The following CNTNAP2 variants were observed in gnomAD, a reference collection of about 807,000 sequenced individuals.
The protein encoded by CNTNAP2 is contactin-associated protein-like 2.
Under a neutral mutation model 155.2 loss-of-function variants are expected in CNTNAP2, and 98 were observed. The ratio of observed to expected loss-of-function variants is 0.63; its 90% CI spans 0.54 to 0.75. CNTNAP2 has a LOEUF of 0.75. Ranked by LOEUF, CNTNAP2 falls within the 30% of genes least tolerant of loss-of-function variation. The pLI is 0.00. For missense variants in CNTNAP2, 1,727 were observed against 1,688.1 expected (o/e 1.02, Z -0.40); for synonymous variants, 651 against 631.2 (o/e 1.03, Z -0.47).
In CNTNAP2 at chr7:146,890,208, G is replaced by A. The variant is rs935195445; in HGVS notation, c.402+50304G>A. Reference sequence around the variant, plus strand: ...ATGCCCTGATTTTGTCTTCTACCACGACACACTCATAGGCTATCTTCAGAT... The same window carrying A: ...ATGCCCTGATTTTGTCTTCTACCACAACACACTCATAGGCTATCTTCAGAT... On this transcript the variant is annotated intron_variant, in intron 3 of 23. Coordinates refer to ENST00000361727, the MANE Select transcript of CNTNAP2 (RefSeq NM_014141.6). Among the ~76,000 whole-genome samples the A allele has an allele frequency of 2.6e-5, 4 of 152,272 alleles. 1 individual carries two copies. Among genetic ancestry groups the A allele is most frequent in the Middle Eastern group, 6.8e-3 (2 of 294 alleles).
intron 10 of CNTNAP2, among the ~76,000 whole-genome samples, chr7:147,407,467 C>CAAAAAAAAAAAAAAAAAAAA (rs768738493): frequency 1.5e-5 from 1 of 64,864 alleles, no homozygotes. Flanking sequence ...GACTCCCTCT[C>CAAAAAAAAAAAAAAAAAAAA]AAAAAAAAAA....
chr7:147,527,222 A>G (rs1040075034), intron 11 of CNTNAP2, among the ~76,000 whole-genome samples: 2 of 151,692 alleles, frequency 1.3e-5, no homozygotes, highest in Admixed American at 6.6e-5. Flanking sequence ...ACAGGGTTTC[A>G]CTGTGTTAGC....
chr7:146,861,147 G>A (rs532269516), intron 3 of CNTNAP2, among the ~76,000 whole-genome samples: 4 of 151,844 alleles, frequency 2.6e-5, no homozygotes, highest in East Asian at 1.9e-4. Context: ...TGCAACCTCC[G>A]CCTCCCGGGT....
intron 12 of CNTNAP2, among the ~76,000 whole-genome samples, chr7:147,599,321 AT>A (rs1273252627): frequency 1.3e-5 from 2 of 151,872 alleles, no homozygotes; most frequent in African/African-American, 4.8e-5. Context: ...TACTAAAAAA[AT>A]AAAATAAAAA....
intron 13 of CNTNAP2, among the ~76,000 whole-genome samples, chr7:147,699,053 T>C (rs555741060): frequency 1.4e-4 from 21 of 152,188 alleles, no homozygotes; most frequent in African/African-American, 3.9e-4. Flanking sequence ...TTTGACTACA[T>C]GTAAACACTA....
At chr7:146,389,236 C>T (rs1795505833) in intron 1 of CNTNAP2, among the ~76,000 whole-genome samples, 2 of 150,004 alleles carry the variant, frequency 1.3e-5, no homozygotes, top group Non-Finnish European at 3.0e-5. Context: ...CACACACACA[C>T]ACACACACAC....
At chr7:147,480,803 C>G (rs1166966080) in intron 10 of CNTNAP2, among the ~76,000 whole-genome samples, 1 of 152,180 alleles carries the variant, frequency 6.6e-6, no homozygotes, top group African/African-American at 2.4e-5. Context: ...GCGCTAGAGC[C>G]TTGCTATTCC....
chr7:146,967,041 G>A (rs1334577665), intron 3 of CNTNAP2, among the ~76,000 whole-genome samples: 1 of 152,070 alleles, frequency 6.6e-6, no homozygotes. Flanking sequence ...GTGAAAGGAA[G>A]GGGAAAAATC....
chr7:147,238,135 C>CT (rs953780175), intron 8 of CNTNAP2, among the ~76,000 whole-genome samples: 1 of 152,188 alleles, frequency 6.6e-6, no homozygotes, highest in Non-Finnish European at 1.5e-5. Context: ...CTGCCTCGGC[C>CT]TCCCGAGTAG....
At chr7:146,986,610 C>T (rs1456088394) in intron 3 of CNTNAP2, among the ~76,000 whole-genome samples, 1 of 152,274 alleles carries the variant, frequency 6.6e-6, no homozygotes, top group East Asian at 1.9e-4. Context: ...TACTTGTTTA[C>T]ATTCCCGCTA....
At chr7:148,400,113 T>A (rs1406593408) in intron 22 of CNTNAP2, among the ~76,000 whole-genome samples, 1 of 152,102 alleles carries the variant, frequency 6.6e-6, no homozygotes, top group Admixed American at 6.6e-5. Flanking sequence ...CAAAGGCATC[T>A]CAGACTGAGA....
intron 21 of CNTNAP2, among the ~76,000 whole-genome samples, chr7:148,353,592 C>G (rs1202008999): frequency 1.3e-5 from 2 of 152,168 alleles, no homozygotes; most frequent in African/African-American, 4.8e-5. Flanking sequence ...GAATTATTAT[C>G]AAGAGCCTTT....
intron 16 of CNTNAP2, chr7:148,133,611 G>A (rs1462296086): frequency 6.6e-6 from 1 of 152,190 alleles, no homozygotes. Flanking sequence ...GAGAAAGGGA[G>A]GATAGAGAAG....
At chr7:147,735,933 G>A (rs967108413) in intron 13 of CNTNAP2, among the ~76,000 whole-genome samples, 2 of 150,376 alleles carry the variant, frequency 1.3e-5, no homozygotes, top group East Asian at 1.9e-4. Context: ...CATGAGATGG[G>A]TTTCCTGAAT....
chr7:148,116,125 C>A (rs912844044), intron 15 of CNTNAP2, among the ~76,000 whole-genome samples: 6 of 147,358 alleles, frequency 4.1e-5, no homozygotes, highest in African/African-American at 7.6e-5. Flanking sequence ...GGCCACAGAG[C>A]GAGACTCTGT....
chr7:147,072,672 T>C lies in CNTNAP2; in HGVS notation c.550+28618T>C, dbSNP rs117934928. Among the ~76,000 whole-genome samples the C allele has an allele frequency of 6.4e-4, 97 of 152,144 alleles. 1 individual carries two copies. Among genetic ancestry groups the C allele is most frequent in the Non-Finnish European group, 1.2e-3 (80 of 68,004 alleles). ...TGTGGGCTGTGGTGGAAAAAAGTGC[T>C]GGAAATGCCTCCCATGTGTCAGTCT... On this transcript the variant is annotated intron_variant, in intron 4 of 23. Coordinates refer to ENST00000361727, the MANE Select transcript of CNTNAP2 (RefSeq NM_014141.6).
At chr7:147,737,734 A>G (rs1244771042) in intron 13 of CNTNAP2, among the ~76,000 whole-genome samples, 1 of 152,082 alleles carries the variant, frequency 6.6e-6, no homozygotes, top group African/African-American at 2.4e-5. Flanking sequence ...CCCCTCCCCC[A>G]GCCTCGCTGC....
At chr7:146,280,559 C>T (rs1040259885) in intron 1 of CNTNAP2, among the ~76,000 whole-genome samples, 2 of 152,092 alleles carry the variant, frequency 1.3e-5, no homozygotes, top group Non-Finnish European at 2.9e-5. Context: ...AGTAATGAAC[C>T]CTCATTGGAG....
intron 16 of CNTNAP2, among the ~76,000 whole-genome samples, chr7:148,135,973 G>GAGGAAGGAAGGAAGGAAGGA (rs1186076177): frequency 1.2e-4 from 5 of 40,188 alleles, no homozygotes; most frequent in African/African-American, 4.3e-4. Context: ...GGAAGAGAGG[G>GAGGAAGGAAGGAAGGAAGGA]AGGAAGGAAG....
Sources: allele counts gnomAD v4.1 joint callset (sites outside exome capture counted in the v4.1 genomes callset), GRCh38; gene constraint gnomAD v4.1.1; transcripts MANE v1.5; gene names NCBI Gene and HGNC (gene_info 2026-07-23, HGNC 2026-07-21).